KHNYN: variants seen among roughly 807,000 people sequenced by gnomAD.
KHNYN encodes the protein KH and NYN domain containing.
Under a neutral mutation model 62.7 loss-of-function variants are expected in KHNYN, and 42 were observed. That is an observed-to-expected ratio of 0.67 (90% CI 0.52 to 0.87). The LOEUF (loss-of-function observed/expected upper bound fraction) is 0.87, where lower values mean the gene tolerates loss of function less well. Ranked by LOEUF, KHNYN falls within the 40% of genes least tolerant of loss-of-function variation. The probability of loss-of-function intolerance (pLI) is 0.00; values close to 1 mark genes in which losing one functional copy is unlikely to be tolerated. For synonymous variants in KHNYN, 347 were observed against 345.6 expected (o/e 1.00, Z -0.04); for missense variants, 829 against 874.1 (o/e 0.95, Z 0.65).
Position 24,431,872 on chromosome 14 carries a change from G to T in KHNYN, c.611G>T (p.Gly204Val), listed in dbSNP as rs1178395448. 39 of 1,613,962 alleles carry T rather than the reference G, an allele frequency of 2.4e-5. No homozygotes were observed. Among genetic ancestry groups the T allele is most frequent in the Non-Finnish European group, 3.3e-5 (39 of 1,180,036 alleles). The change falls in exon 3 of 8, where the codon GGA becomes GTA. Residue 204 changes from glycine to valine, a missense_variant. By Grantham distance (109) the Gly-to-Val change is moderately radical. This residue lies in a region of KHNYN where 559 missense variants were observed against 527.0 expected (regional missense o/e 1.06). Coordinates refer to ENST00000553935, the MANE Select transcript of KHNYN (RefSeq NM_015299.3). Reference sequence around the variant, plus strand: ...GAGGCGTCTAGTGGGCAGGGGCCAGGAGCACTGGCTTCTTGGGAGGGGCGG... The same window carrying T: ...GAGGCGTCTAGTGGGCAGGGGCCAGTAGCACTGGCTTCTTGGGAGGGGCGG... Reference protein sequence around the residue: ...VQEASSGQGPGALASWEGRSS... With the variant: ...VQEASSGQGPVALASWEGRSS...
At position 24,440,086 on chromosome 14, in the gene KHNYN, G is replaced by A. The variant is rs759098212; in HGVS notation, c.*2801G>A. On this transcript the variant is annotated 3_prime_UTR_variant, in exon 8 of 8. Coordinates refer to ENST00000553935, the MANE Select transcript of KHNYN (RefSeq NM_015299.3). ...TCAGGCCCTTGCCACGACCTACTTA[G>A]GCTACAATTTCCTTTAAGGCAGCCC... 1 of 1,594,192 alleles carries A rather than the reference G, an allele frequency of 6.3e-7. No homozygotes were observed. Among genetic ancestry groups the A allele is most frequent in the Non-Finnish European group, 8.6e-7 (1 of 1,166,658 alleles).
upstream of KHNYN, chr14:24,429,231 G>A (rs540202380): frequency 2.6e-4 from 179 of 694,890 alleles, 1 homozygote; most frequent in East Asian, 4.8e-3. Context: ...TACTCCTGCT[G>A]TCACTGCAGT....
At chr14:24,435,840 A>C in intron 5 of KHNYN, 1 of 557,374 alleles carries the variant, frequency 1.8e-6, no homozygotes, top group Non-Finnish European at 3.2e-6. Context: ...GAAGTGGCCT[A>C]TGGGAGACAG....
In KHNYN at chr14:24,431,899, G is replaced by A; in HGVS notation, c.638G>A (p.Ser213Asn). 6.2e-7 allele frequency: 1 copy of A among 1,614,044 alleles called. No individual in the cohort carries two copies. Among genetic ancestry groups the A allele is most frequent in the Non-Finnish European group, 8.5e-7 (1 of 1,180,018 alleles). The change falls in exon 3 of 8, where the codon AGC becomes AAC. Residue 213 changes from serine (S) to asparagine (N), a missense_variant. Around this residue, in one of 2 missense-constraint regions of KHNYN, gnomAD observed 559 missense variants for 527.0 expected, o/e 1.06. Transcript: ENST00000553935. ...GCACTGGCTTCTTGGGAGGGGCGGA[G>A]CTCAGCCTTGCTGGGTGCTCAGTGC... ...PGALASWEGR[S>N]SALLGAQCQG...
chr14:24,428,709 C>CTTGCAGGGTCT (rs762804814), upstream of KHNYN: 40 of 1,524,538 alleles, frequency 2.6e-5, no homozygotes, highest in Non-Finnish European at 3.2e-5. Flanking sequence ...CTTCCAGGTC[C>CTTGCAGGGTCT]TTGCAGGGTC....
At chr14:24,430,587 G>GTCA in intron 1 of KHNYN, 127 bp from the exon 2 acceptor site, 2 of 1,442,560 alleles carry the variant, frequency 1.4e-6, no homozygotes, top group Non-Finnish European at 1.8e-6. Flanking sequence ...TCAGATGCTT[G>GTCA]TCACCTCCTG....
upstream of KHNYN, chr14:24,427,331 C>G (rs57699825): frequency 0.014 from 2,568 of 183,226 alleles, 30 homozygotes; most frequent in African/African-American, 0.026. This position sits in a 1 kb window ranked among gnomAD's most constrained non-coding sequence, Gnocchi z 4.4. Context: ...TGGCTGAGAT[C>G]CGTGATGCTG....
rs1036045959 is a variant in KHNYN, at chr14:24,430,400, C to T, written c.-18+281C>T. 40 of 1,142,032 alleles carry T rather than the reference C, an allele frequency of 3.5e-5. No homozygotes were observed. In the African/African-American group the frequency reaches 6.2e-4, roughly 18 times the overall value. The allele number at this position is 1,142,032 out of a possible 1,614,324, so 70.7% of individuals were successfully genotyped here. A position where few individuals can be genotyped will look rare whatever the true frequency, so the allele number is the denominator to read the frequency against. ...CGTCCTTAAGAAGCTTCAGAGTGCCCCAGGAGACTCCTTCTGGCCTCCAGG... is the reference window on the plus strand; with the variant it reads ...CGTCCTTAAGAAGCTTCAGAGTGCCTCAGGAGACTCCTTCTGGCCTCCAGG... On this transcript the variant is annotated intron_variant, in intron 1 of 7. Transcript: ENST00000553935.
At position 24,440,108 on chromosome 14, in the gene KHNYN, G is replaced by A. The variant is rs757598016; in HGVS notation, c.*2823G>A. On this transcript the variant is annotated 3_prime_UTR_variant, in exon 8 of 8. Transcript: ENST00000553935. ...TTAGGCTACAATTTCCTTTAAGGCA[G>A]CCCCTAGCTCTGGGAAGGAATACTG... is the stretch of plus-strand genomic sequence containing the variant. 2.5e-6 allele frequency: 4 copies of A among 1,606,250 alleles called. No homozygotes were observed. The Admixed American group carries it at 6.7e-5, about 27-fold the overall frequency.
intron 5 of KHNYN, chr14:24,434,418 G>A (rs1323100448): frequency 2.1e-6 from 2 of 974,960 alleles, no homozygotes; most frequent in Non-Finnish European, 2.4e-6. Flanking sequence ...TTTTTGGTTT[G>A]TTTTTGAGAC....
At position 24,432,198 on chromosome 14, in the gene KHNYN, G is replaced by C; in HGVS notation, c.937G>C (p.Ala313Pro). 1.3e-6 allele frequency: 2 copies of C among 1,586,918 alleles called. No individual in the cohort carries two copies. Among genetic ancestry groups the C allele is most frequent in the South Asian group, 1.2e-5 (1 of 86,806 alleles). The change falls in exon 3 of 8, where the codon GCT becomes CCT. Residue 313 changes from alanine to proline, a missense_variant. By Grantham distance (27) the Ala-to-Pro change is conservative. Around this residue, in one of 2 missense-constraint regions of KHNYN, gnomAD observed 559 missense variants for 527.0 expected, o/e 1.06. Coordinates refer to ENST00000553935, the MANE Select transcript of KHNYN (RefSeq NM_015299.3). This position sits in a 1 kb window ranked among gnomAD's most constrained non-coding sequence, Gnocchi z 5.6. ...GAAGGCCCTGGGGAAGGAGGAGATAGCTCTGGGAGGAGGAGGGTTCTGTGT... is the reference window on the plus strand; with the variant it reads ...GAAGGCCCTGGGGAAGGAGGAGATACCTCTGGGAGGAGGAGGGTTCTGTGT... ...KGKALGKEEI[A>P]LGGGGFCVHR...
rs2043225303 is a variant in KHNYN at position 24,437,494 on chromosome 14, G to A, written c.*209G>A. The A allele has an allele frequency of 3.5e-6, 2 of 564,896 alleles. No individual in the cohort carries two copies. The highest frequency in any genetic ancestry group is 6.6e-5 in the Admixed American group (2 of 30,532). 35.0% of individuals were successfully genotyped at this position (564,896 alleles called of 1,614,324 possible). On this transcript the variant is annotated 3_prime_UTR_variant, in exon 8 of 8. Transcript: ENST00000553935. This position sits in a 1 kb window ranked among gnomAD's most constrained non-coding sequence, Gnocchi z 5.5. ...GCCAGCTCTCAAGAGGTTCTGCTCA[G>A]CCTTAACTTCTCAACTTTGCCTTAG...
At chr14:24,429,158 T>TCCCTAGGCTCGCTGAACCCC (rs2043059511), upstream of KHNYN, 10 of 1,230,268 alleles carry the variant, frequency 8.1e-6, no homozygotes, top group Non-Finnish European at 1.1e-5. Flanking sequence ...TCGTCTGCCC[T>TCCCTAGGCTCGCTGAACCCC]CTCTAGGCTC....
chr14:24,428,619 G>T, upstream of KHNYN: 1 of 1,131,794 alleles, frequency 8.8e-7, no homozygotes, highest in Non-Finnish European at 1.2e-6. Flanking sequence ...GGGTGGTGGG[G>T]CAATAGGCCA....
chr14:24,431,691 T>A lies in KHNYN; in HGVS notation c.430T>A (p.Trp144Arg), dbSNP rs2139381304. The A allele has an allele frequency of 6.2e-7, 1 of 1,614,166 alleles. No homozygotes were observed. Among genetic ancestry groups the A allele is most frequent in the South Asian group, 1.1e-5 (1 of 91,086 alleles). ...RVEELAERLS[W>R]DFTPGPSSGA... is the part of the protein sequence containing the mutation. ...AGAAGAGCTGGCAGAGCGGCTGAGCTGGGACTTCACGCCAGGACCATCTTC... is the reference window on the plus strand; with the variant it reads ...AGAAGAGCTGGCAGAGCGGCTGAGCAGGGACTTCACGCCAGGACCATCTTC... Residue 144 changes from tryptophan (W) to arginine (R), a missense_variant, in exon 3 of 8, where the codon TGG becomes AGG. Trp to Arg is a moderately radical substitution (Grantham distance 101). This residue lies in a region of KHNYN where 559 missense variants were observed against 527.0 expected (regional missense o/e 1.06). Coordinates refer to ENST00000553935, the MANE Select transcript of KHNYN (RefSeq NM_015299.3).
At position 24,437,072 on chromosome 14, in the gene KHNYN, G is replaced by T. The variant is rs778646230; in HGVS notation, c.1824G>T (p.Arg608Ser). The part of the protein sequence containing the change: ...QGSSKAQHPS[R>S]GFAEHGKQQQ... Reference sequence around the variant, plus strand: ...CTTCTAAGGCTCAGCATCCTTCCAGGGGCTTTGCAGAACATGGTAAACAGC... The same window carrying T: ...CTTCTAAGGCTCAGCATCCTTCCAGTGGCTTTGCAGAACATGGTAAACAGC... The change falls in exon 8 of 8, where the codon AGG (arginine) becomes AGT (serine). Residue 608 changes from arginine to serine, a missense_variant. This residue lies in a region of KHNYN where 270 missense variants were observed against 347.1 expected (regional missense o/e 0.78). Transcript: ENST00000553935. The surrounding 1 kb of genome is among the most constrained non-coding windows in gnomAD (Gnocchi z 5.5). The T allele has an allele frequency of 1.9e-5, 31 of 1,614,028 alleles. No individual in the cohort carries two copies. The highest frequency in any genetic ancestry group is 2.6e-5 in the Non-Finnish European group (31 of 1,180,032).
At chr14:24,428,994 C>T (rs2043056396), upstream of KHNYN, 1 of 1,549,828 alleles carries the variant, frequency 6.5e-7, no homozygotes, top group African/African-American at 1.4e-5. Flanking sequence ...AGCACCAGAA[C>T]CAAGGGCAGC....
At chr14:24,427,154 T>C (rs1323223464), upstream of KHNYN, 3 of 152,988 alleles carry the variant, frequency 2.0e-5, no homozygotes, top group Admixed American at 6.5e-5. This position sits in a 1 kb window ranked among gnomAD's most constrained non-coding sequence, Gnocchi z 4.4. Flanking sequence ...GATTGCTACC[T>C]GCTGGCTGCT....
rs372833706 is a variant in KHNYN, at chr14:24,441,804, G to C, written c.*4519G>C. On this transcript the variant is annotated 3_prime_UTR_variant, in exon 8 of 8. Coordinates refer to ENST00000553935, the MANE Select transcript of KHNYN (RefSeq NM_015299.3). ...GGAAGGTTTCATTCCATCTGCAGGA[G>C]AAACATGGGAAATAAAAAGCCACTA... 588 of 1,603,476 alleles carry C rather than the reference G, an allele frequency of 3.7e-4. 5 individuals carry two copies. The South Asian group carries it at 6.2e-3, about 17-fold the overall frequency.
Sources: allele counts gnomAD v4.1 joint callset, GRCh38; gene constraint gnomAD v4.1.1; regional missense constraint gnomAD v4.1.1; non-coding constraint Gnocchi (gnomAD v3.1); transcripts MANE v1.5; gene names NCBI Gene and HGNC (gene_info 2026-07-23, HGNC 2026-07-21).